ERI1: variants seen among roughly 807,000 people sequenced by gnomAD.
ERI1 encodes the protein exoribonuclease 1.
ERI1 carries 39 observed loss-of-function variants against 39.7 expected under a neutral mutation model. That is an observed-to-expected ratio of 0.98 (90% confidence interval 0.76 to 1.28). The LOEUF is 1.28. Among genes scored for constraint, ERI1 ranks in the 50% most tolerant of loss-of-function variants. The probability of loss-of-function intolerance (pLI) is 0.00; values close to 1 mark genes in which losing one functional copy is unlikely to be tolerated. For missense variants in ERI1, 581 were observed against 416.9 expected (o/e 1.39, Z -3.43); for synonymous variants, 204 against 149.6 (o/e 1.36, Z -2.65).
intron 3 of ERI1, among the ~76,000 whole-genome samples, chr8:9,097,531 C>T (rs1326403464): frequency 3.3e-5 from 5 of 152,004 alleles, no homozygotes; most frequent in Non-Finnish European, 7.4e-5. Context: ...TAGCCAGACA[C>T]GGTGGCGTGC....
chr8:9,095,271 G>T (rs558219317), intron 3 of ERI1, among the ~76,000 whole-genome samples: 1 of 152,130 alleles, frequency 6.6e-6, no homozygotes, highest in Admixed American at 6.5e-5. Flanking sequence ...GGGTTCTGTT[G>T]AATAGATTGG....
chr8:9,065,888 A>C (rs1798858647), intron 3 of ERI1, among the ~76,000 whole-genome samples: 1 of 151,844 alleles, frequency 6.6e-6, no homozygotes, highest in South Asian at 2.1e-4. Context: ...GGTGGTGGAG[A>C]GTGTGTCACC....
At chr8:9,007,146 A>G (rs1383919949) in intron 1 of ERI1, among the ~76,000 whole-genome samples, 1 of 152,214 alleles carries the variant, frequency 6.6e-6, no homozygotes, top group Non-Finnish European at 1.5e-5. Flanking sequence ...AGAAAATAGA[A>G]TTGAGTCATG....
intron 6 of ERI1, among the ~76,000 whole-genome samples, chr8:9,021,603 C>A (rs1245883205): frequency 6.6e-6 from 1 of 152,132 alleles, no homozygotes; most frequent in African/African-American, 2.4e-5. Flanking sequence ...ACCCACTTAA[C>A]TCCCTTCCTT....
chr8:9,036,500 CATA>C (rs1797849056), downstream of ERI1, among the ~76,000 whole-genome samples: 3 of 152,188 alleles, frequency 2.0e-5, no homozygotes, highest in South Asian at 6.2e-4. Flanking sequence ...ATTTTTTAGA[CATA>C]ATGCTTTTGC....
At chr8:9,027,579 T>A (rs375594411) in intron 6 of ERI1, among the ~76,000 whole-genome samples, 6 of 152,218 alleles carry the variant, frequency 3.9e-5, no homozygotes, top group South Asian at 4.1e-4. Context: ...GCCTTTTCCA[T>A]ATGTTTTATT....
Position 9,011,767 on chromosome 8 carries a change from G to A in ERI1, c.498+15G>A, listed in dbSNP as rs28665409. Reference sequence around the variant, plus strand: ...CTTTAGAAATAGTAAGTGAATTTTTGTATTTTAATTGTATTTCTAGCAGCA... The same window carrying A: ...CTTTAGAAATAGTAAGTGAATTTTTATATTTTAATTGTATTTCTAGCAGCA... On this transcript the variant is annotated intron_variant, in intron 3 of 6. Transcript: ENST00000250263. The A allele has an allele frequency of 0.42, 648,546 of 1,556,638 alleles. 143,092 individuals are homozygous for A. The highest frequency in any genetic ancestry group is 0.49 in the African/African-American group (35,426 of 72,958).
rs555554350 is a variant in ERI1 at position 9,013,347 on chromosome 8, A to G, written c.498+1595A>G. On this transcript the variant is annotated intron_variant, in intron 3 of 6. Coordinates refer to ENST00000250263, the MANE Select transcript of ERI1 (RefSeq NM_153332.4). ...CTTAAAAAAAAAAAAAAAAAAAATTAACACTGCACTGCTGGCTTGAATACT... is the reference window on the plus strand; with the variant it reads ...CTTAAAAAAAAAAAAAAAAAAAATTGACACTGCACTGCTGGCTTGAATACT... Among the ~76,000 whole-genome samples the G allele has an allele frequency of 4.1e-4, 60 of 146,626 alleles. No homozygotes were observed. In the South Asian group the frequency reaches 5.1e-3, roughly 13 times the overall value.
At chr8:9,015,046 A>G (rs1198157635) in intron 3 of ERI1, among the ~76,000 whole-genome samples, 1 of 152,142 alleles carries the variant, frequency 6.6e-6, no homozygotes, top group East Asian at 1.9e-4. Context: ...CACTTCGGCC[A>G]GGCTGGTCTT....
intron 3 of ERI1, among the ~76,000 whole-genome samples, chr8:9,073,425 G>A (rs917166918): frequency 6.6e-6 from 1 of 152,166 alleles, no homozygotes; most frequent in African/African-American, 2.4e-5. Context: ...GGGGTGTCTG[G>A]GGGGAGGTTA....
intron 5 of ERI1, among the ~76,000 whole-genome samples, chr8:9,019,805 C>G (rs972411357): frequency 6.6e-6 from 1 of 152,100 alleles, no homozygotes; most frequent in Non-Finnish European, 1.5e-5. Context: ...TTTATAATTT[C>G]CACTGCTATT....
chr8:9,071,280 C>T (rs1453964216), intron 3 of ERI1, among the ~76,000 whole-genome samples: 1 of 152,208 alleles, frequency 6.6e-6, no homozygotes, highest in Non-Finnish European at 1.5e-5. Context: ...AGCCATTTCT[C>T]AAAGCAGCTT....
In ERI1 at chr8:9,011,708, A is replaced by C. The variant is rs1267355700; in HGVS notation, c.454A>C (p.Ile152Leu). The change falls in exon 3 of 7, where the codon ATT becomes CTT. Residue 152 changes from isoleucine to leucine, a missense_variant. Transcript: ENST00000250263. The stretch of plus-strand genomic sequence containing the variant: ...CCCACCTGAGTTTGTACATGAAATA[A>C]TTGAATTTCCGGTTGTTTTACTGAA... ...GNPPEFVHEIIEFPVVLLNTH... is the reference protein window; with the variant it reads ...GNPPEFVHEILEFPVVLLNTH... 6.2e-7 allele frequency: 1 copy of C among 1,611,744 alleles called. No individual in the cohort carries two copies. Among genetic ancestry groups the C allele is most frequent in the Admixed American group, 1.7e-5 (1 of 59,714 alleles).
chr8:9,036,899 G>C (rs1797863064), downstream of ERI1, among the ~76,000 whole-genome samples: 1 of 151,856 alleles, frequency 6.6e-6, no homozygotes, highest in Non-Finnish European at 1.5e-5. Context: ...TTTGTCAGTG[G>C]GACCATGATT....
Position 9,029,813 on chromosome 8 carries a change from C to A in ERI1, c.829C>A (p.Leu277Met). The A allele has an allele frequency of 6.2e-7, 1 of 1,614,134 alleles. No individual in the cohort carries two copies. The highest frequency in any genetic ancestry group is 8.5e-7 in the Non-Finnish European group (1 of 1,180,016). ...TCAGGTTCCTAGAAGCCAAACCAAA[C>A]TGACAATAATGCTTGAAAAATTAGG... Reference protein sequence around the residue: ...FYKVPRSQTKLTIMLEKLGMD... With the variant: ...FYKVPRSQTKMTIMLEKLGMD... The change falls in exon 7 of 7, where the codon CTG becomes ATG. Residue 277 changes from leucine to methionine, a missense_variant. Leu to Met is a conservative substitution (Grantham distance 15). Transcript: ENST00000250263.
chr8:9,049,784 G>A (rs1530484), intron 3 of ERI1: 38,529 of 152,050 alleles, frequency 0.25, 5,267 homozygotes, highest in Non-Finnish European at 0.3. Context: ...CCCAAAGGCC[G>A]GATGGGATTT....
At chr8:9,017,499 C>T (rs751550709) in intron 4 of ERI1, among the ~76,000 whole-genome samples, 6 of 152,142 alleles carry the variant, frequency 3.9e-5, no homozygotes, top group Non-Finnish European at 7.3e-5. Context: ...AGACGTATGT[C>T]TGTGCAGTGG....
intron 6 of ERI1, among the ~76,000 whole-genome samples, chr8:9,023,472 T>C (rs1196787497): frequency 2.0e-5 from 3 of 152,162 alleles, no homozygotes; most frequent in Admixed American, 6.5e-5. Flanking sequence ...AGTATATTAG[T>C]GTAATCGGAA....
At chr8:9,009,171 T>C (rs1444322620) in intron 2 of ERI1, 5 of 441,098 alleles carry the variant, frequency 1.1e-5, no homozygotes, top group South Asian at 8.1e-5. Flanking sequence ...CAAGCCTGTA[T>C]TGAATTCTAA....
Sources: allele counts gnomAD v4.1 joint callset (sites outside exome capture counted in the v4.1 genomes callset), GRCh38; gene constraint gnomAD v4.1.1; transcripts MANE v1.5; gene names NCBI Gene and HGNC (gene_info 2026-07-23, HGNC 2026-07-21).